Variants in CEP192 observed in about 807,000 individuals in gnomAD.
The protein encoded by CEP192 is centrosomal protein 192, also known as centrosomal protein of 192 kDa.
Under a neutral mutation model 271.8 loss-of-function variants are expected in CEP192, and 151 were observed. The ratio of observed to expected loss-of-function variants is 0.56; its 90% CI spans 0.49 to 0.64. The LOEUF (loss-of-function observed/expected upper bound fraction) is 0.64. CEP192 is among the 30% of genes least tolerant of loss of function. The pLI is 0.00. For synonymous variants in CEP192, 995 were observed against 1,076.5 expected (o/e 0.92, Z 1.48); for missense variants, 2,910 against 3,020.5 (o/e 0.96, Z 0.86).
At chr18:13,030,430 G>A (rs1488567919) in intron 10 of CEP192, 35 bp from the exon 11 acceptor site, 2 of 1,503,106 alleles carry the variant, frequency 1.3e-6, no homozygotes, top group Non-Finnish European at 1.8e-6. Flanking sequence ...GTTGTTACAT[G>A]TGTCATTTGA....
At chr18:13,105,809 CAGA>C (rs1486233331) in intron 40 of CEP192, among the ~76,000 whole-genome samples, 1 of 152,122 alleles carries the variant, frequency 6.6e-6, no homozygotes, top group African/African-American at 2.4e-5. Flanking sequence ...AGAAGCAAAG[CAGA>C]AGAACAGGGG....
chr18:13,108,672 G>A (rs563712235), intron 40 of CEP192, among the ~76,000 whole-genome samples: 3 of 152,254 alleles, frequency 2.0e-5, no homozygotes, highest in Admixed American at 6.5e-5. Flanking sequence ...GCGAAACTCT[G>A]TCTCTACAAA....
At chr18:13,019,799 A>G (rs933104863) in intron 9 of CEP192, among the ~76,000 whole-genome samples, 6 of 151,898 alleles carry the variant, frequency 4.0e-5, no homozygotes, top group African/African-American at 7.3e-5. Flanking sequence ...TGTAAAATAC[A>G]TATAAAATTT....
rs368551953 is a variant in CEP192, at chr18:13,043,079, G to A, written c.2067+745G>A. On this transcript the variant is annotated intron_variant, in intron 15 of 44. Coordinates refer to ENST00000506447, the MANE Select transcript of CEP192 (RefSeq NM_032142.4). ...TCCTCGCCAGCACCTGGCATTACTC[G>A]TTATTCTGGTGGGTGTACAGTGGGG... is the stretch of plus-strand genomic sequence containing the variant. Among the ~76,000 whole-genome samples the A allele has an allele frequency of 6.6e-5, 10 of 152,198 alleles. No individual in the cohort carries two copies. In the South Asian group the frequency reaches 1.0e-3, roughly 16 times the overall value.
chr18:13,031,394 C>T (rs1404254647), intron 11 of CEP192, among the ~76,000 whole-genome samples: 1 of 151,914 alleles, frequency 6.6e-6, no homozygotes, highest in Non-Finnish European at 1.5e-5. Flanking sequence ...ACTACAGGCA[C>T]CTGCCACTAC....
At chr18:13,027,707 C>T (rs923940310) in intron 9 of CEP192, among the ~76,000 whole-genome samples, 3 of 152,072 alleles carry the variant, frequency 2.0e-5, no homozygotes, top group African/African-American at 4.8e-5. Context: ...ACTGGAAGCT[C>T]GAAGTTGTAA....
rs1225987504 is a variant in CEP192, at chr18:13,073,137, A to G, written c.5568A>G (p.Leu1856=). 1.2e-6 allele frequency: 2 copies of G among 1,612,874 alleles called. No individual in the cohort carries two copies. The highest frequency in any genetic ancestry group is 1.3e-5 in the African/African-American group (1 of 75,022). Residue 1856 remains leucine (L), a synonymous_variant, in exon 30 of 45, where the codon CTA becomes CTG. Coordinates refer to ENST00000506447, the MANE Select transcript of CEP192 (RefSeq NM_032142.4). ...GATTATCTTGCATGTTGGCTAGACT[A>G]GAAATCAAACAACTTGGAAATCGAT... is the stretch of plus-strand genomic sequence containing the variant. The part of the protein sequence containing the change: ...PTRLSCMLAR[L]EIKQLGNRSQ...
intron 18 of CEP192, among the ~76,000 whole-genome samples, chr18:13,053,682 T>C (rs1160617564): frequency 6.6e-6 from 1 of 152,064 alleles, no homozygotes; most frequent in Admixed American, 6.6e-5. Context: ...TGATCTGTTT[T>C]GATTTTGTTT....
At chr18:13,054,684 G>T (rs2036986618) in intron 18 of CEP192, among the ~76,000 whole-genome samples, 1 of 152,164 alleles carries the variant, frequency 6.6e-6, no homozygotes, top group Non-Finnish European at 1.5e-5. Flanking sequence ...GTCACCACTG[G>T]ATACATATTA....
chr18:13,022,813 A>G (rs2035068899), intron 9 of CEP192, among the ~76,000 whole-genome samples: 1 of 152,202 alleles, frequency 6.6e-6, no homozygotes, highest in Admixed American at 6.5e-5. Flanking sequence ...CTTCCTATCC[A>G]TGAACATTGA....
rs758549590 is a variant in CEP192, at chr18:13,056,149, G to C, written c.3559G>C (p.Val1187Leu). 1 of 1,613,658 alleles carries C rather than the reference G, an allele frequency of 6.2e-7. No individual in the cohort carries two copies. Among genetic ancestry groups the C allele is most frequent in the South Asian group, 1.1e-5 (1 of 90,948 alleles). Residue 1187 changes from valine (V) to leucine (L), a missense_variant, in exon 19 of 45, where the codon GTG (valine) becomes CTG (leucine). Coordinates refer to ENST00000506447, the MANE Select transcript of CEP192 (RefSeq NM_032142.4). ...GGTGGGGTCAGCCACATCACACCCT[G>C]TGTCCTGCCAGGAGCCTATAGATGA... ...CQVGSATSHP[V>L]SCQEPIDEDQ...
Position 13,092,424 on chromosome 18 carries a change from AGC to A in CEP192, c.6152_6153del (p.Ser2051AsnfsTer3), listed in dbSNP as rs772996816. On this transcript the variant is annotated frameshift_variant, in exon 34 of 45. Transcript: ENST00000506447. LOFTEE classifies it high-confidence loss of function. Reference protein sequence around the residue: ...RPNDVQLFYGSMCKIILSVIG... With the variant: ...RPNDVQLFYGXMCKIILSVIG... Reference sequence around the variant, plus strand: ...TAATGATGTTCAGCTCTTTTATGGAAGCATGTGTAAAATTATACTTTCAGTAA... The same window carrying A: ...TAATGATGTTCAGCTCTTTTATGGAAATGTGTAAAATTATACTTTCAGTAA... The A allele has an allele frequency of 7.5e-6, 12 of 1,604,282 alleles. No individual in the cohort carries two copies. The highest frequency in any genetic ancestry group is 4.0e-5 in the African/African-American group (3 of 74,708).
chr18:13,072,047 C>CT (rs568180503), intron 28 of CEP192, among the ~76,000 whole-genome samples: 41 of 152,306 alleles, frequency 2.7e-4, no homozygotes, highest in Middle Eastern at 6.8e-3. Flanking sequence ...CTGTGGAAGG[C>CT]TTTTCCTGGA....
In CEP192 at chr18:13,029,110, T is replaced by C. The variant is rs146385589; in HGVS notation, c.1051-553T>C. Reference sequence around the variant, plus strand: ...ACTTGAGCCCCTTTTCAGCAGTTGTTATTTTAGGAAGGAATAAGAAGTGCC... The same window carrying C: ...ACTTGAGCCCCTTTTCAGCAGTTGTCATTTTAGGAAGGAATAAGAAGTGCC... On this transcript the variant is annotated intron_variant, in intron 9 of 44. Transcript: ENST00000506447. Among the ~76,000 whole-genome samples, 210 of 152,354 alleles carry C rather than the reference T, an allele frequency of 1.4e-3. 2 individuals carry two copies. Among genetic ancestry groups the C allele is most frequent in the African/African-American group, 4.8e-3 (199 of 41,580 alleles).
At chr18:13,124,499 C>A (rs1311091694) in intron 44 of CEP192, 133 bp from the exon 45 acceptor site, 2 of 730,112 alleles carry the variant, frequency 2.7e-6, no homozygotes, top group African/African-American at 1.7e-5. Context: ...TCCAAGAAAT[C>A]ATAAATACAT....
At chr18:13,099,102 G>C (rs918551810) in intron 36 of CEP192, among the ~76,000 whole-genome samples, 2 of 150,638 alleles carry the variant, frequency 1.3e-5, no homozygotes, top group East Asian at 4.0e-4. Flanking sequence ...ATCAGGCAGG[G>C]AGGTTGCAGT....
chr18:13,062,601 T>A (rs1453901929), intron 21 of CEP192, among the ~76,000 whole-genome samples: 7 of 151,946 alleles, frequency 4.6e-5, no homozygotes, highest in Non-Finnish European at 8.8e-5. Flanking sequence ...ATTTAAAAAA[T>A]TTTTTGTGGG....
chr18:13,011,537 T>G (rs926053815), intron 4 of CEP192, among the ~76,000 whole-genome samples: 5 of 152,240 alleles, frequency 3.3e-5, no homozygotes, highest in South Asian at 2.1e-4. Context: ...TTTTGTTTTT[T>G]TTTGAGACAG....
At chr18:13,083,150 G>C (rs1232498220) in intron 30 of CEP192, among the ~76,000 whole-genome samples, 1 of 152,146 alleles carries the variant, frequency 6.6e-6, no homozygotes, top group Non-Finnish European at 1.5e-5. Context: ...TGTATTTCCT[G>C]AATTTGAATG....
Sources: gnomAD v4.1 joint callset for allele counts (sites outside exome capture counted in the v4.1 genomes callset) on GRCh38, gnomAD v4.1.1 for gene constraint, MANE v1.5 for transcripts, NCBI Gene and HGNC (gene_info 2026-07-23, HGNC 2026-07-21) for gene names.